The following DDX53 variants were observed in gnomAD, a reference collection of about 807,000 sequenced individuals.
DDX53 encodes DEAD box protein 53.
For missense variants in DDX53, 481 were observed against 485.1 expected, an observed-to-expected ratio of 0.99 and a Z score of 0.08; for synonymous variants, 179 against 170.8, an observed-to-expected ratio of 1.05 and a Z score of -0.37.
At position 23,001,995 on chromosome X, in the gene DDX53, G is replaced by T; in HGVS notation, c.*42G>T. On this transcript the variant is annotated 3_prime_UTR_variant, in exon 1 of 1. Transcript: ENST00000327968. Reference sequence around the variant, plus strand: ...ACTGGAAGATTCCAGGCATGTTAAAGATATGCAGTATTGAATATATGTAAG... The same window carrying T: ...ACTGGAAGATTCCAGGCATGTTAAATATATGCAGTATTGAATATATGTAAG... 4 of 1,046,344 alleles carry T rather than the reference G, an allele frequency of 3.8e-6. No individual in the cohort carries two copies. The highest frequency in any genetic ancestry group is 5.2e-6 in the Non-Finnish European group (4 of 776,180). The allele number at this position is 1,046,344 out of a possible 1,213,427, so 86.2% of individuals were successfully genotyped here.
Position 23,002,674 on chromosome X carries a change from T to A in DDX53, c.*721T>A, listed in dbSNP as rs1039409633. ...TTCAATATTGTGTATGTTCCTTAAT[T>A]TTAAAAAAGTCTCAAAAATGAGAGA... On this transcript the variant is annotated 3_prime_UTR_variant, in exon 1 of 1. Coordinates refer to ENST00000327968, the MANE Select transcript of DDX53 (RefSeq NM_182699.4). 8.4e-6 allele frequency: 1 copy of A among 118,904 alleles called. No homozygotes were observed. The highest frequency in any genetic ancestry group is 3.4e-5 in the African/African-American group (1 of 29,260). The allele number at this position is 118,904 out of a possible 1,213,427, so 9.8% of individuals were successfully genotyped here. A position where few individuals can be genotyped will look rare whatever the true frequency, so the allele number is the denominator to read the frequency against.
Position 23,000,774 on chromosome X carries a change from G to A in DDX53, c.717G>A (p.Arg239=). Residue 239 remains arginine, a synonymous_variant, in exon 1 of 1, where the codon AGG becomes AGA. Transcript: ENST00000327968. ...QYPDLLKSII[R]VGIVKPTPIQ... ...CTGATCTTCTGAAAAGCATAATAAGGGTAGGGATTGTAAAGCCAACGCCAA... is the reference window on the plus strand; with the variant it reads ...CTGATCTTCTGAAAAGCATAATAAGAGTAGGGATTGTAAAGCCAACGCCAA... 2.5e-6 allele frequency: 3 copies of A among 1,211,840 alleles called. No individual in the cohort carries two copies. The highest frequency in any genetic ancestry group is 3.4e-6 in the Non-Finnish European group (3 of 895,491).
Position 23,000,111 on chromosome X carries a change from T to C in DDX53, c.54T>C (p.Leu18=), listed in dbSNP as rs1041554198. 8.6e-7 allele frequency: 1 copy of C among 1,169,429 alleles called. No individual in the cohort carries two copies. The highest frequency in any genetic ancestry group is 2.5e-5 in the Admixed American group (1 of 39,690). Residue 18 remains leucine (L), a synonymous_variant, in exon 1 of 1, where the codon CTT becomes CTC. Transcript: ENST00000327968. ...GGGCGGAGGCTAATCCAAGAGACCT[T>C]GGGGCCAGCTGGGATGTCAGGGGCA... The part of the protein sequence containing the change: ...WKRAEANPRD[L]GASWDVRGSR...
Position 23,002,132 on chromosome X carries a change from G to C in DDX53, c.*179G>C. The C allele has an allele frequency of 2.7e-6, 1 of 375,252 alleles. No homozygotes were observed. The highest frequency in any genetic ancestry group is 2.6e-5 in the African/African-American group (1 of 39,089). 30.9% of individuals were successfully genotyped at this position (375,252 alleles called of 1,213,427 possible). A position where few individuals can be genotyped will look rare whatever the true frequency, so the allele number is the denominator to read the frequency against. ...AATTTTAAAAAAGTCTCAAAAATGA[G>C]AGAGTGAGAGACTGTGTGAAGAGAA... On this transcript the variant is annotated 3_prime_UTR_variant, in exon 1 of 1. Transcript: ENST00000327968.
In DDX53 at chrX:23,003,254, C is replaced by T. The variant is rs1222050906; in HGVS notation, c.*1301C>T. On this transcript the variant is annotated 3_prime_UTR_variant, in exon 1 of 1. Transcript: ENST00000327968. ...GTTTTAGTTCATTAGAAAATAAGTGCTAAATTTTTTAGAAGATTCCACAAT... is the reference window on the plus strand; with the variant it reads ...GTTTTAGTTCATTAGAAAATAAGTGTTAAATTTTTTAGAAGATTCCACAAT... The T allele has an allele frequency of 8.1e-6, 1 of 123,728 alleles. No individual in the cohort carries two copies. Among genetic ancestry groups the T allele is most frequent in the African/African-American group, 3.2e-5 (1 of 30,918 alleles). 10.2% of individuals were successfully genotyped at this position (123,728 alleles called of 1,213,427 possible). A position where few individuals can be genotyped will look rare whatever the true frequency, so the allele number is the denominator to read the frequency against.
In DDX53 at chrX:23,000,437, A is replaced by G. The variant is rs1601805419; in HGVS notation, c.380A>G (p.Asn127Ser). 2 of 1,211,993 alleles carry G rather than the reference A, an allele frequency of 1.7e-6. No homozygotes were observed. The highest frequency in any genetic ancestry group is 2.2e-6 in the Non-Finnish European group (2 of 895,537). Residue 127 changes from asparagine to serine, a missense_variant, in exon 1 of 1, where the codon AAT becomes AGT. Transcript: ENST00000327968. ...ESYNSESSVD[N>S]AASQTPIGRN... ...TACAACTCAGAATCCAGTGTGGATA[A>G]TGCTGCATCCCAAACCCCTATTGGA... is the stretch of plus-strand genomic sequence containing the variant.
In DDX53 at chrX:23,002,355, T is replaced by A. The variant is rs77411231; in HGVS notation, c.*402T>A. 1 of 129,726 alleles carries A rather than the reference T, an allele frequency of 7.7e-6. No individual in the cohort carries two copies. The highest frequency in any genetic ancestry group is 1.8e-5 in the Non-Finnish European group (1 of 56,866). 10.7% of individuals were successfully genotyped at this position (129,726 alleles called of 1,213,427 possible). ...CTATGTGAAGAGAAGGTAAATGTTA[T>A]GTGTTGGTTAAAGTTTAATTTCTCC... On this transcript the variant is annotated 3_prime_UTR_variant, in exon 1 of 1. Coordinates refer to ENST00000327968, the MANE Select transcript of DDX53 (RefSeq NM_182699.4).
chrX:23,001,145 ACT>A lies in DDX53; in HGVS notation c.1091_1092del (p.Ser364CysfsTer13). Reference sequence around the variant, plus strand: ...AGGCTGAATGACCTACAAATGAATAACTCTGTCAACCTAAGAAGCATAACCTA... The same window carrying A: ...AGGCTGAATGACCTACAAATGAATAACTGTCAACCTAAGAAGCATAACCTA... On this transcript the variant is annotated frameshift_variant, in exon 1 of 1. Transcript: ENST00000327968. LOFTEE classifies it low-confidence loss of function (END_TRUNC). 2 of 1,211,488 alleles carry A rather than the reference ACT, an allele frequency of 1.7e-6. No individual in the cohort carries two copies. Among genetic ancestry groups the A allele is most frequent in the East Asian group, 3.0e-5 (1 of 33,827 alleles).
At position 22,999,998 on chromosome X, in the gene DDX53, A is replaced by C; in HGVS notation, c.-60A>C. 1.0e-6 allele frequency: 1 copy of C among 959,501 alleles called. No homozygotes were observed. The highest frequency in any genetic ancestry group is 1.3e-6 in the Non-Finnish European group (1 of 746,063). The allele number at this position is 959,501 out of a possible 1,213,427, so 79.1% of individuals were successfully genotyped here. A position where few individuals can be genotyped will look rare whatever the true frequency, so the allele number is the denominator to read the frequency against. ...GAAGGTGACGGGAAACAGGCCGCAG[A>C]CCTGAACTTCCAACCGTATGTAGGC... On this transcript the variant is annotated 5_prime_UTR_variant, in exon 1 of 1. Transcript: ENST00000327968.
At position 23,001,360 on chromosome X, in the gene DDX53, C is replaced by A; in HGVS notation, c.1303C>A (p.Leu435Ile). The A allele has an allele frequency of 8.3e-7, 1 of 1,210,828 alleles. No homozygotes were observed. The highest frequency in any genetic ancestry group is 1.1e-6 in the Non-Finnish European group (1 of 894,814). ...PMIVYVGNLN[L>I]VAVNTVKQNI... ...GATTGTTTATGTTGGTAATCTGAATCTAGTGGCTGTAAATACAGTGAAGCA... is the reference window on the plus strand; with the variant it reads ...GATTGTTTATGTTGGTAATCTGAATATAGTGGCTGTAAATACAGTGAAGCA... Residue 435 changes from leucine (L) to isoleucine (I), a missense_variant, in exon 1 of 1, where the codon CTA (leucine) becomes ATA (isoleucine). Physicochemically the swap from Leu to Ile is conservative, Grantham distance 5 (BLOSUM62 2). Transcript: ENST00000327968.
Position 23,000,579 on chromosome X carries a change from TAAG to T in DDX53, c.525_527del (p.Lys176del). 1 of 1,211,178 alleles carries T rather than the reference TAAG, an allele frequency of 8.3e-7. No individual in the cohort carries two copies. Among genetic ancestry groups the T allele is most frequent in the Non-Finnish European group, 1.1e-6 (1 of 895,341 alleles). ...GAAAATGGGCAGATCTACCACCAGT[TAAG>T]AAAAACTTTTACATAGAATCCAAAG... On this transcript the variant is annotated inframe_deletion, in exon 1 of 1. Transcript: ENST00000327968.
rs1933840149 is a variant in DDX53, at chrX:23,002,973, C to T, written c.*1020C>T. ...CTTCTTTGCGTTCATAAGTTCTCAT[C>T]GTTTGCTTCCCACTTATAAGTGAGA... On this transcript the variant is annotated 3_prime_UTR_variant, in exon 1 of 1. Transcript: ENST00000327968. 2 of 123,145 alleles carry T rather than the reference C, an allele frequency of 1.6e-5. No homozygotes were observed. Among genetic ancestry groups the T allele is most frequent in the South Asian group, 7.5e-4 (2 of 2,673 alleles). 10.1% of individuals were successfully genotyped at this position (123,145 alleles called of 1,213,427 possible). A position where few individuals can be genotyped will look rare whatever the true frequency, so the allele number is the denominator to read the frequency against.
chrX:23,001,606 A>G lies in DDX53; in HGVS notation c.1549A>G (p.Asn517Asp). Reference sequence around the variant, plus strand: ...AGCAGTAGAGGACTTTAAAAGCGGAAACATAAAGATACTGATTACAACTGA... The same window carrying G: ...AGCAGTAGAGGACTTTAAAAGCGGAGACATAAAGATACTGATTACAACTGA... ...ERAVEDFKSG[N>D]IKILITTDIV... Residue 517 changes from asparagine (N) to aspartate (D), a missense_variant, in exon 1 of 1, where the codon AAC becomes GAC. Coordinates refer to ENST00000327968, the MANE Select transcript of DDX53 (RefSeq NM_182699.4). 1 of 1,211,052 alleles carries G rather than the reference A, an allele frequency of 8.3e-7. No homozygotes were observed. Among genetic ancestry groups the G allele is most frequent in the East Asian group, 3.0e-5 (1 of 33,832 alleles).
rs1184707714 is a variant in DDX53, at chrX:23,000,719, G to T, written c.662G>T (p.Cys221Phe). ...AAGCGTCTCATTCCAAAACCAACTT[G>T]CAGGTTTAAAGACGCTTTTCAGCAA... ...GEKRLIPKPT[C>F]RFKDAFQQYP... Residue 221 changes from cysteine (C) to phenylalanine (F), a missense_variant, in exon 1 of 1, where the codon TGC (cysteine) becomes TTC (phenylalanine). By Grantham distance (205) the Cys-to-Phe change is radical. Coordinates refer to ENST00000327968, the MANE Select transcript of DDX53 (RefSeq NM_182699.4). 1.7e-6 allele frequency: 2 copies of T among 1,210,179 alleles called. No homozygotes were observed. Among genetic ancestry groups the T allele is most frequent in the African/African-American group, 1.7e-5 (1 of 57,293 alleles).
rs755280997 is a variant in DDX53, at chrX:23,001,346, T to C, written c.1289T>C (p.Val430Ala). 1.7e-6 allele frequency: 2 copies of C among 1,211,485 alleles called. No homozygotes were observed. The highest frequency in any genetic ancestry group is 4.3e-5 in the Admixed American group (2 of 46,030). ...SYLKDPMIVY[V>A]GNLNLVAVNT... ...TTGAAAGATCCTATGATTGTTTATG[T>C]TGGTAATCTGAATCTAGTGGCTGTA... The change falls in exon 1 of 1, where the codon GTT becomes GCT. Residue 430 changes from valine (V) to alanine (A), a missense_variant. Coordinates refer to ENST00000327968, the MANE Select transcript of DDX53 (RefSeq NM_182699.4).
Position 23,002,237 on chromosome X carries a change from T to C in DDX53, c.*284T>C, listed in dbSNP as rs1933826752. 4.5e-6 allele frequency: 1 copy of C among 222,543 alleles called. No homozygotes were observed. The highest frequency in any genetic ancestry group is 8.5e-6 in the Non-Finnish European group (1 of 117,180). The allele number at this position is 222,543 out of a possible 1,213,427, so 18.3% of individuals were successfully genotyped here. Reference sequence around the variant, plus strand: ...TAGGTTTGGGGGTATATGTGAAGGTTTGTTAAAGAAACACGTGCCATGGGG... The same window carrying C: ...TAGGTTTGGGGGTATATGTGAAGGTCTGTTAAAGAAACACGTGCCATGGGG... On this transcript the variant is annotated 3_prime_UTR_variant, in exon 1 of 1. Coordinates refer to ENST00000327968, the MANE Select transcript of DDX53 (RefSeq NM_182699.4).
In DDX53 at chrX:23,001,129, G is replaced by A. The variant is rs1269763727; in HGVS notation, c.1072G>A (p.Asp358Asn). Residue 358 changes from aspartate to asparagine, a missense_variant, in exon 1 of 1, where the codon GAC (aspartate) becomes AAC (asparagine). By Grantham distance (23) the Asp-to-Asn change is conservative. Coordinates refer to ENST00000327968, the MANE Select transcript of DDX53 (RefSeq NM_182699.4). ...IIIATPGRLN[D>N]LQMNNSVNLR... is the part of the protein sequence containing the mutation. Reference sequence around the variant, plus strand: ...TATTGCAACTCCTGGGAGGCTGAATGACCTACAAATGAATAACTCTGTCAA... The same window carrying A: ...TATTGCAACTCCTGGGAGGCTGAATAACCTACAAATGAATAACTCTGTCAA... 8.3e-7 allele frequency: 1 copy of A among 1,211,566 alleles called. No homozygotes were observed. The highest frequency in any genetic ancestry group is 2.2e-5 in the Admixed American group (1 of 46,053).
rs1321765771 is a variant in DDX53, at chrX:23,002,868, A to T, written c.*915A>T. On this transcript the variant is annotated 3_prime_UTR_variant, in exon 1 of 1. Coordinates refer to ENST00000327968, the MANE Select transcript of DDX53 (RefSeq NM_182699.4). ...ATTTCGTCACCCAGGTATTAAGACC[A>T]GTGCCCAATAATTATCTTTTCTGCT... 1 of 123,703 alleles carries T rather than the reference A, an allele frequency of 8.1e-6. No individual in the cohort carries two copies. The highest frequency in any genetic ancestry group is 3.2e-5 in the African/African-American group (1 of 30,861). 10.2% of individuals were successfully genotyped at this position (123,703 alleles called of 1,213,427 possible).
chrX:23,001,694 G>T lies in DDX53; in HGVS notation c.1637G>T (p.Arg546Met), dbSNP rs1314947944. Reference sequence around the variant, plus strand: ...CATGTATATAATTATGATTTCCCAAGGAATATTGACGTATATGTACACAGA... The same window carrying T: ...CATGTATATAATTATGATTTCCCAATGAATATTGACGTATATGTACACAGA... ...VTHVYNYDFP[R>M]NIDVYVHRVG... is the part of the protein sequence containing the mutation. The change falls in exon 1 of 1, where the codon AGG (arginine) becomes ATG (methionine). Residue 546 changes from arginine (R) to methionine (M), a missense_variant. Physicochemically the swap from Arg to Met is moderately conservative, Grantham distance 91. Transcript: ENST00000327968. The T allele has an allele frequency of 8.3e-7, 1 of 1,209,499 alleles. No homozygotes were observed. The highest frequency in any genetic ancestry group is 2.2e-5 in the Admixed American group (1 of 45,720).
Sources: allele counts gnomAD v4.1 joint callset, GRCh38; gene constraint gnomAD v4.1.1; transcripts MANE v1.5; gene names NCBI Gene and HGNC (gene_info 2026-07-23, HGNC 2026-07-21).